TCIRG1: variants seen among roughly 807,000 people sequenced by gnomAD.
TCIRG1 encodes the protein V-type proton ATPase 116 kDa subunit a 3.
A neutral mutation model predicts 95.5 loss-of-function variants in TCIRG1; 86 were observed. The observed-to-expected ratio is 0.90, with a 90% CI of 0.76 to 1.08. The LOEUF (loss-of-function observed/expected upper bound fraction) is 1.08, where lower values mean the gene tolerates loss of function less well. Among genes scored for constraint, TCIRG1 ranks in the 50% least tolerant of loss-of-function variants. The pLI is 0.00. For synonymous variants in TCIRG1, 499 were observed against 501.3 expected, an observed-to-expected ratio of 1.00 and a Z score of 0.06; for missense variants, 1,069 against 1,140.2, an observed-to-expected ratio of 0.94 and a Z score of 0.90.
intron 15 of TCIRG1, 27 bp from the exon 16 acceptor site, chr11:68,049,636 C>T (rs1480434567): frequency 6.3e-7 from 1 of 1,596,404 alleles, no homozygotes; most frequent in Non-Finnish European, 8.5e-7. Flanking sequence ...AGCAGGGACG[C>T]CCTGACTCTC....
In TCIRG1 at chr11:68,043,595, T is replaced by C. The variant is rs1242912856; in HGVS notation, c.655T>C (p.Phe219Leu). 1 of 1,611,066 alleles carries C rather than the reference T, an allele frequency of 6.2e-7. No homozygotes were observed. The highest frequency in any genetic ancestry group is 8.5e-7 in the Non-Finnish European group (1 of 1,179,230). The change falls in exon 7 of 20, where the codon TTC (phenylalanine) becomes CTC (leucine). Residue 219 changes from phenylalanine to leucine, a missense_variant. Transcript: ENST00000265686. ...GGGCGAGCCAGCCACGTGGATGACCTTCCTCATCTCCTACTGGGGTGAGCA... is the reference window on the plus strand; with the variant it reads ...GGGCGAGCCAGCCACGTGGATGACCCTCCTCATCTCCTACTGGGGTGAGCA... ...VTGEPATWMT[F>L]LISYWGEQIG...
chr11:68,041,258 C>T lies in TCIRG1; in HGVS notation c.-4-10C>T, dbSNP rs781772977. 2 of 1,597,290 alleles carry T rather than the reference C, an allele frequency of 1.3e-6. No individual in the cohort carries two copies. The highest frequency in any genetic ancestry group is 3.3e-5 in the Admixed American group (2 of 60,008). On this transcript the variant is annotated splice_polypyrimidine_tract_variant and intron_variant, in intron 1 of 19. Coordinates refer to ENST00000265686, the MANE Select transcript of TCIRG1 (RefSeq NM_006019.4). ...GCCCCTGACTGGCCCCCATCCGTGT[C>T]CACCCACAGGACCATGGGCTCCATG...
chr11:68,043,359 C>T lies in TCIRG1; in HGVS notation c.504-12C>T, dbSNP rs1263185890. ...AGGTTGGAGCAGCCCTGCCCAGCCC[C>T]GTGGCCGCCAGCTTTGTGGCAGGTG... On this transcript the variant is annotated splice_polypyrimidine_tract_variant and intron_variant, in intron 5 of 19. Coordinates refer to ENST00000265686, the MANE Select transcript of TCIRG1 (RefSeq NM_006019.4). 3.9e-6 allele frequency: 6 copies of T among 1,539,254 alleles called. No homozygotes were observed. The highest frequency in any genetic ancestry group is 2.4e-5 in the East Asian group (1 of 40,926).
At chr11:68,044,779 G>A in intron 9 of TCIRG1, 179 bp from the exon 10 acceptor site, 2 of 746,668 alleles carry the variant, frequency 2.7e-6, no homozygotes, top group Non-Finnish European at 4.4e-6. Flanking sequence ...AATCCATGTG[G>A]TGTCTTTGGG....
In TCIRG1 at chr11:68,043,579, A is replaced by C; in HGVS notation, c.639A>C (p.Pro213=). 6.2e-7 allele frequency: 1 copy of C among 1,610,082 alleles called. No homozygotes were observed. The highest frequency in any genetic ancestry group is 8.5e-7 in the Non-Finnish European group (1 of 1,178,776). ...QPLEHPVTGE[P]ATWMTFLISY... ...CTGAGCCTGCTCTGCAGGGCGAGCC[A>C]GCCACGTGGATGACCTTCCTCATCT... Residue 213 remains proline (P), a synonymous_variant, in exon 7 of 20, where the codon CCA becomes CCC. Transcript: ENST00000265686.
In TCIRG1 at chr11:68,042,964, G is replaced by C. The variant is rs986723688; in HGVS notation, c.436G>C (p.Asp146His). The change falls in exon 5 of 20, where the codon GAT becomes CAT. Residue 146 changes from aspartate to histidine, a missense_variant. Transcript: ENST00000265686. ...HEPQLAAAHT[D>H]GASERTPLLQ... is the part of the protein sequence containing the mutation. ...TTCCTAGCTGGCAGCCGCCCACACA[G>C]ATGGGGCCTCAGAGAGGACGCCCCT... 6 of 1,555,010 alleles carry C rather than the reference G, an allele frequency of 3.9e-6. No individual in the cohort carries two copies. Among genetic ancestry groups the C allele is most frequent in the Non-Finnish European group, 4.3e-6 (5 of 1,149,426 alleles).
In TCIRG1 at chr11:68,042,711, C is replaced by T. The variant is rs1292612021; in HGVS notation, c.265C>T (p.Pro89Ser). Residue 89 changes from proline (P) to serine (S), a missense_variant, in exon 4 of 20, where the codon CCC (proline) becomes TCC (serine). Pro to Ser is a moderately conservative substitution (Grantham distance 74, BLOSUM62 -1). Coordinates refer to ENST00000265686, the MANE Select transcript of TCIRG1 (RefSeq NM_006019.4). ...CCCGCCAAAGGGGAGGCTGCCGGCACCCCCACCCCGGGACCTGCTGCGCAT... is the reference window on the plus strand; with the variant it reads ...CCCGCCAAAGGGGAGGCTGCCGGCATCCCCACCCCGGGACCTGCTGCGCAT... ...LPPPKGRLPA[P>S]PPRDLLRIQE... The T allele has an allele frequency of 5.2e-6, 8 of 1,546,028 alleles. No individual in the cohort carries two copies. Among genetic ancestry groups the T allele is most frequent in the East Asian group, 2.4e-5 (1 of 40,880 alleles).
intron 1 of TCIRG1, among the ~76,000 whole-genome samples, chr11:68,040,607 G>A (rs1291877341): frequency 6.6e-6 from 1 of 152,188 alleles, no homozygotes; most frequent in Non-Finnish European, 1.5e-5. Context: ...CAGCATCCAG[G>A]GCGGGTTGGA....
chr11:68,044,155 C>G lies in TCIRG1; in HGVS notation c.831C>G (p.Phe277Leu). 1 of 1,551,000 alleles carries G rather than the reference C, an allele frequency of 6.4e-7. No homozygotes were observed. Among genetic ancestry groups the G allele is most frequent in the East Asian group, 2.4e-5 (1 of 41,382 alleles). The stretch of plus-strand genomic sequence containing the variant: ...AGGTCCTCGGGGAGACAGAGCGGTT[C>G]CTGAGCCAGGTGCTAGGCCGGGTGC... ...LQEVLGETERFLSQVLGRVLQ... is the reference protein window; with the variant it reads ...LQEVLGETERLLSQVLGRVLQ... Residue 277 changes from phenylalanine (F) to leucine (L), a missense_variant, in exon 9 of 20, where the codon TTC (phenylalanine) becomes TTG (leucine). Phe to Leu is a conservative substitution (Grantham distance 22). Transcript: ENST00000265686.
chr11:68,049,810 TG>T (rs746283105), intron 16 of TCIRG1, 22 bp downstream of exon 16: 4 of 1,562,672 alleles, frequency 2.6e-6, no homozygotes, highest in Non-Finnish European at 3.4e-6. Context: ...GCCTAAGGTG[TG>T]GGGGGCTGCT....
chr11:68,043,789 C>G (rs1855305950), intron 7 of TCIRG1, 25 bp from the exon 8 acceptor site: 2 of 1,554,386 alleles, frequency 1.3e-6, no homozygotes, highest in South Asian at 2.4e-5. Flanking sequence ...CTTCTGGCCC[C>G]TCACGCAGCG....
chr11:68,046,460 C>A (rs977109849), intron 10 of TCIRG1, among the ~76,000 whole-genome samples: 11 of 152,214 alleles, frequency 7.2e-5, no homozygotes, highest in African/African-American at 2.7e-4. Context: ...CTCATCTTCA[C>A]ACACTGTTCT....
chr11:68,049,413 G>A, intron 15 of TCIRG1, 119 bp downstream of exon 15: 1 of 1,149,244 alleles, frequency 8.7e-7, no homozygotes, highest in Non-Finnish European at 1.2e-6. Context: ...CCCGGGCCGT[G>A]CAGACAGGGC....
Position 68,047,536 on chromosome 11 carries a change from G to A in TCIRG1, c.1269G>A (p.Ala423=), listed in dbSNP as rs147119709. The part of the protein sequence containing the change: ...MFLFALAMVL[A]ENRPAVKAAQ... ...TGTTCGCCCTGGCCATGGTCCTTGC[G>A]GAGAACCGACCGGCTGTGAAGGCCG... The change falls in exon 11 of 20, where the codon GCG becomes GCA. Residue 423 remains alanine (A), a synonymous_variant. Coordinates refer to ENST00000265686, the MANE Select transcript of TCIRG1 (RefSeq NM_006019.4). 2.3e-4 allele frequency: 365 copies of A among 1,613,854 alleles called. No homozygotes were observed. The highest frequency in any genetic ancestry group is 2.9e-4 in the Non-Finnish European group (345 of 1,180,022).
Position 68,048,917 on chromosome 11 carries a change from C to T in TCIRG1, c.1593C>T (p.Asn531=), listed in dbSNP as rs779832351. 5 of 1,613,384 alleles carry T rather than the reference C, an allele frequency of 3.1e-6. No homozygotes were observed. The South Asian group carries it at 4.4e-5, about 14-fold the overall frequency. Residue 531 remains asparagine, a synonymous_variant, in exon 14 of 20, where the codon AAC becomes AAT. Coordinates refer to ENST00000265686, the MANE Select transcript of TCIRG1 (RefSeq NM_006019.4). ...CTGCCAACCACTTGAGCTTCCTCAA[C>T]TCCTTCAAGATGAAGATGTCCGTCA... is the stretch of plus-strand genomic sequence containing the variant. ...SLAANHLSFL[N]SFKMKMSVIL...
chr11:68,049,046 G>C (rs760281641), intron 14 of TCIRG1, 35 bp from the exon 15 acceptor site: 45 of 1,612,646 alleles, frequency 2.8e-5, no homozygotes, highest in Non-Finnish European at 3.4e-5. Context: ...GGCCAGAGTG[G>C]GCCCCAGTGA....
Position 68,044,177 on chromosome 11 carries a change from G to T in TCIRG1, c.853G>T (p.Val285Leu). ...GTTCCTGAGCCAGGTGCTAGGCCGG[G>T]TGCTGCAGCTGCTGCCGCCAGGGCA... is the stretch of plus-strand genomic sequence containing the variant. ...ERFLSQVLGR[V>L]LQLLPPGQVQ... is the part of the protein sequence containing the mutation. Residue 285 changes from valine (V) to leucine (L), a missense_variant, in exon 9 of 20, where the codon GTG becomes TTG. Physicochemically the swap from Val to Leu is conservative, Grantham distance 32. Transcript: ENST00000265686. The T allele has an allele frequency of 1.3e-6, 2 of 1,554,142 alleles. No individual in the cohort carries two copies. Among genetic ancestry groups the T allele is most frequent in the Non-Finnish European group, 1.7e-6 (2 of 1,149,256 alleles).
rs1266896439 is a variant in TCIRG1, at chr11:68,042,684, C to T, written c.238C>T (p.Pro80Ser). The T allele has an allele frequency of 1.9e-6, 3 of 1,546,106 alleles. No homozygotes were observed. The highest frequency in any genetic ancestry group is 2.7e-5 in the African/African-American group (2 of 72,910). ...GGTGCGGCGGGCTGGGCTGGTCCTG[C>T]CCCCGCCAAAGGGGAGGCTGCCGGC... ...EEVRRAGLVL[P>S]PPKGRLPAPP... Residue 80 changes from proline (P) to serine (S), a missense_variant, in exon 4 of 20, where the codon CCC (proline) becomes TCC (serine). Pro to Ser is a moderately conservative substitution (Grantham distance 74). Transcript: ENST00000265686.
chr11:68,043,779 C>T (rs1234106096), intron 7 of TCIRG1, 35 bp from the exon 8 acceptor site: 1 of 1,551,342 alleles, frequency 6.4e-7, no homozygotes. Context: ...TAGCTGTGTC[C>T]TTCTGGCCCC....
Sources: gnomAD v4.1 joint callset for allele counts (sites outside exome capture counted in the v4.1 genomes callset) on GRCh38, gnomAD v4.1.1 for gene constraint, MANE v1.5 for transcripts, NCBI Gene and HGNC (gene_info 2026-07-23, HGNC 2026-07-21) for gene names.